Variants in LIN28A observed in about 807,000 individuals in gnomAD.
LIN28A encodes protein lin-28 homolog A.
LIN28A carries 11 observed loss-of-function variants against 21.1 expected under a neutral mutation model. The observed-to-expected ratio is 0.52, with a 90% CI of 0.33 to 0.86. The LOEUF (loss-of-function observed/expected upper bound fraction) is 0.86. Among genes scored for constraint, LIN28A ranks in the 40% least tolerant of loss-of-function variants. The pLI is 0.03. For missense variants in LIN28A, 219 were observed against 279.8 expected, an observed-to-expected ratio of 0.78 and a Z score of 1.55; for synonymous variants, 111 against 108.7, an observed-to-expected ratio of 1.02 and a Z score of -0.13.
chr1:26,412,044 A>G (rs2074963460), intron 2 of LIN28A, among the ~76,000 whole-genome samples: 1 of 152,256 alleles, frequency 6.6e-6, no homozygotes, highest in African/African-American at 2.4e-5. Flanking sequence ...CAAGGGGCGT[A>G]AAGCCGAGAA....
At chr1:26,413,591 T>A (rs1305491527) in intron 2 of LIN28A, among the ~76,000 whole-genome samples, 1 of 152,114 alleles carries the variant, frequency 6.6e-6, no homozygotes, top group Non-Finnish European at 1.5e-5. Context: ...AATAGGGAGC[T>A]GAGCTGGAAG....
At chr1:26,416,634 T>C (rs1458079316) in intron 2 of LIN28A, among the ~76,000 whole-genome samples, 1 of 152,092 alleles carries the variant, frequency 6.6e-6, no homozygotes, top group African/African-American at 2.4e-5. Context: ...TTTATTTTTT[T>C]TGAGACGGAA....
chr1:26,425,974 G>A (rs1374238248), intron 3 of LIN28A, among the ~76,000 whole-genome samples: 2 of 152,188 alleles, frequency 1.3e-5, no homozygotes, highest in Non-Finnish European at 2.9e-5. Flanking sequence ...CCAAGTTGCA[G>A]TTCCTAGTTG....
At chr1:26,418,551 A>AAAG (rs1557762110) in intron 2 of LIN28A, among the ~76,000 whole-genome samples, 5 of 151,666 alleles carry the variant, frequency 3.3e-5, no homozygotes, top group Non-Finnish European at 7.4e-5. Context: ...TTAAAAAAAA[A>AAAG]AAAAAGAAAA....
chr1:26,413,823 TG>T (rs2074976749), intron 2 of LIN28A, among the ~76,000 whole-genome samples: 2 of 136,886 alleles, frequency 1.5e-5, no homozygotes, highest in African/African-American at 2.9e-5. Context: ...GTTTGTTTGT[TG>T]CTTTTTTTTT....
In LIN28A at chr1:26,413,277, C is replaced by T. The variant is rs572898695; in HGVS notation, c.228+1695C>T. On this transcript the variant is annotated intron_variant, in intron 2 of 3. Transcript: ENST00000326279. The stretch of plus-strand genomic sequence containing the variant: ...AGTCAGACCCAACGTTTTCTCATCT[C>T]CCATCCAAAGGCTGCCAGATAGGGA... Among the ~76,000 whole-genome samples the T allele has an allele frequency of 3.9e-5, 6 of 152,262 alleles. No individual in the cohort carries two copies. In the South Asian group the frequency reaches 1.0e-3, roughly 26 times the overall value.
At position 26,426,662 on chromosome 1, in the gene LIN28A, A is replaced by C. The variant is rs2075061502; in HGVS notation, c.*204A>C. The C allele has an allele frequency of 1.8e-6, 1 of 565,124 alleles. No homozygotes were observed. Among genetic ancestry groups the C allele is most frequent in the African/African-American group, 1.9e-5 (1 of 52,826 alleles). 35.0% of individuals were successfully genotyped at this position (565,124 alleles called of 1,614,324 possible). A position where few individuals can be genotyped will look rare whatever the true frequency, so the allele number is the denominator to read the frequency against. ...TCCAACCATGCTCTGTCCAAATGCAAGTGAGGGTTCTGGGGGCAACCAGGA... is the reference window on the plus strand; with the variant it reads ...TCCAACCATGCTCTGTCCAAATGCACGTGAGGGTTCTGGGGGCAACCAGGA... On this transcript the variant is annotated 3_prime_UTR_variant, in exon 4 of 4. Transcript: ENST00000326279.
chr1:26,423,185 G>T (rs946184099), intron 2 of LIN28A, among the ~76,000 whole-genome samples: 10 of 151,186 alleles, frequency 6.6e-5, no homozygotes, highest in African/African-American at 2.2e-4. Context: ...GAGATTACAG[G>T]TCTGCGCACC....
intron 2 of LIN28A, among the ~76,000 whole-genome samples, chr1:26,421,461 CTTATA>C (rs1315676421): frequency 1.3e-5 from 2 of 152,186 alleles, no homozygotes; most frequent in East Asian, 3.9e-4. Flanking sequence ...TGATAATCTA[CTTATA>C]TTATGTTGTG....
intron 2 of LIN28A, among the ~76,000 whole-genome samples, chr1:26,413,836 T>TC (rs1035636439): frequency 4.1e-5 from 6 of 147,484 alleles, no homozygotes; most frequent in African/African-American, 1.5e-4. Context: ...TTTTTTTTTT[T>TC]TTTTTTTTGA....
At position 26,427,712 on chromosome 1, in the gene LIN28A, CTAAGGA is replaced by C. The variant is rs2075068008; in HGVS notation, c.*1259_*1264del. The C allele has an allele frequency of 2.0e-5, 3 of 152,152 alleles. No homozygotes were observed. The highest frequency in any genetic ancestry group is 3.8e-4 in the East Asian group (2 of 5,196). 9.4% of individuals were successfully genotyped at this position (152,152 alleles called of 1,614,324 possible). On this transcript the variant is annotated 3_prime_UTR_variant, in exon 4 of 4. Transcript: ENST00000326279. ...GTGTGTGTTTGTAAAACTAGAGTTG[CTAAGGA>C]TAAGTTTAAAGACCAATACCCCTGT... is the stretch of plus-strand genomic sequence containing the variant.
chr1:26,423,782 C>T (rs12732255), intron 2 of LIN28A, among the ~76,000 whole-genome samples: 66,339 of 150,634 alleles, frequency 0.44, 16,042 homozygotes, highest in Admixed American at 0.54. Context: ...GTTTGTTTTG[C>T]GACGGAGTCT....
At chr1:26,425,028 C>T (rs2124304532) in intron 2 of LIN28A, among the ~76,000 whole-genome samples, 1 of 152,308 alleles carries the variant, frequency 6.6e-6, no homozygotes, top group East Asian at 1.9e-4. Context: ...TAGGTGTGAG[C>T]CACCGTACCC....
intron 2 of LIN28A, among the ~76,000 whole-genome samples, chr1:26,424,795 G>A (rs1281951933): frequency 6.6e-6 from 1 of 152,142 alleles, no homozygotes; most frequent in Non-Finnish European, 1.5e-5. Flanking sequence ...AGGCTGGAGT[G>A]CAATAGTGTG....
Position 26,411,026 on chromosome 1 carries a change from C to A in LIN28A, c.31+104C>A. On this transcript the variant is annotated intron_variant, in intron 1 of 3. Transcript: ENST00000326279. This position sits in a 1 kb window ranked among gnomAD's most constrained non-coding sequence, Gnocchi z 5.4. Reference sequence around the variant, plus strand: ...GAGTCCTAGGCTGCCCAAAGGACCCCAAGACGGTGCGGCCTTCTGCTTCAT... The same window carrying A: ...GAGTCCTAGGCTGCCCAAAGGACCCAAAGACGGTGCGGCCTTCTGCTTCAT... The A allele has an allele frequency of 7.1e-7, 1 of 1,414,722 alleles. No individual in the cohort carries two copies. Among genetic ancestry groups the A allele is most frequent in the Non-Finnish European group, 9.5e-7 (1 of 1,048,812 alleles). 87.6% of individuals were successfully genotyped at this position (1,414,722 alleles called of 1,614,324 possible). A position where few individuals can be genotyped will look rare whatever the true frequency, so the allele number is the denominator to read the frequency against.
At position 26,425,502 on chromosome 1, in the gene LIN28A, G is replaced by C. The variant is rs187064721; in HGVS notation, c.413+15G>C. 6 of 1,612,316 alleles carry C rather than the reference G, an allele frequency of 3.7e-6. No homozygotes were observed. Among genetic ancestry groups the C allele is most frequent in the African/African-American group, 2.7e-5 (2 of 74,908 alleles). On this transcript the variant is annotated intron_variant, in intron 3 of 3. Transcript: ENST00000326279. The stretch of plus-strand genomic sequence containing the variant: ...AAAGGAGACAGGTATGGATTGGAAG[G>C]CAGCTTATATAGGTTGCTAAGGGCA...
At position 26,426,443 on chromosome 1, in the gene LIN28A, G is replaced by T. The variant is rs201055562; in HGVS notation, c.615G>T (p.Pro205=). Reference sequence around the variant, plus strand: ...AAATCCACAGCCCTACCCTGCTCCCGGAGGCACAGAATTGAGCCACAATGG... The same window carrying T: ...AAATCCACAGCCCTACCCTGCTCCCTGAGGCACAGAATTGAGCCACAATGG... ...EEEIHSPTLL[P]EAQN Residue 205 remains proline (P), a synonymous_variant, in exon 4 of 4, where the codon CCG becomes CCT. Transcript: ENST00000326279. 6.2e-7 allele frequency: 1 copy of T among 1,613,962 alleles called. No individual in the cohort carries two copies. Among genetic ancestry groups the T allele is most frequent in the East Asian group, 2.2e-5 (1 of 44,902 alleles).
intron 2 of LIN28A, among the ~76,000 whole-genome samples, chr1:26,419,697 G>A (rs1489829451): frequency 6.6e-6 from 1 of 152,144 alleles, no homozygotes; most frequent in Non-Finnish European, 1.5e-5. Context: ...CATAAAATTA[G>A]TATTTACTCC....
At chr1:26,418,329 G>C (rs1330039396) in intron 2 of LIN28A, among the ~76,000 whole-genome samples, 1 of 152,116 alleles carries the variant, frequency 6.6e-6, no homozygotes, top group Non-Finnish European at 1.5e-5. Context: ...GGTAGATCAT[G>C]AGGTCAGGAG....
Sources: allele counts gnomAD v4.1 joint callset (sites outside exome capture counted in the v4.1 genomes callset), GRCh38; gene constraint gnomAD v4.1.1; non-coding constraint Gnocchi (gnomAD v3.1); transcripts MANE v1.5; gene names NCBI Gene and HGNC (gene_info 2026-07-23, HGNC 2026-07-21).